ENC1: variants seen among roughly 807,000 people sequenced by gnomAD.
The protein encoded by ENC1 is ectoderm-neural cortex protein 1.
Under a neutral mutation model 40.9 loss-of-function variants are expected in ENC1, and 19 were observed. The observed-to-expected ratio is 0.46, with a 90% CI of 0.32 to 0.68. The LOEUF is 0.68. Among genes scored for constraint, ENC1 ranks in the 30% least tolerant of loss-of-function variants. The pLI is 0.03. For missense variants in ENC1, 479 were observed against 737.5 expected, an observed-to-expected ratio of 0.65 and a Z score of 4.06; for synonymous variants, 285 against 291.1, an observed-to-expected ratio of 0.98 and a Z score of 0.21.
Position 74,628,592 on chromosome 5 carries a change from A to G in ENC1, c.*1433T>C, listed in dbSNP as rs1355696536. The stretch of plus-strand genomic sequence containing the variant: ...TACAATTCTTTGGTGTTTTGTGGCC[A>G]AATGTGTTACTTGTGCACCAAAGAG... On this transcript the variant is annotated 3_prime_UTR_variant, in exon 3 of 3. Transcript: ENST00000302351. 1 of 152,500 alleles carries G rather than the reference A, an allele frequency of 6.6e-6. No homozygotes were observed. Among genetic ancestry groups the G allele is most frequent in the Non-Finnish European group, 1.5e-5 (1 of 68,048 alleles). The allele number at this position is 152,500 out of a possible 1,614,324, so 9.4% of individuals were successfully genotyped here.
At chr5:74,630,324 A>G (rs1021141221) in intron 2 of ENC1, among the ~76,000 whole-genome samples, 6 of 152,186 alleles carry the variant, frequency 3.9e-5, no homozygotes, top group Admixed American at 6.5e-5. Context: ...TCTAGATGCT[A>G]TTAGGAGTTG....
Position 74,635,262 on chromosome 5 carries a change from T to A in ENC1, c.1224A>T (p.Ser408=), listed in dbSNP as rs1024228789. 2.5e-6 allele frequency: 4 copies of A among 1,614,032 alleles called. No homozygotes were observed. The African/African-American group carries it at 5.3e-5, about 22-fold the overall frequency. The stretch of plus-strand genomic sequence containing the variant: ...AATGTTCTACCTGCTTTAGAGAGAC[T>A]GAGGGGGAGGCCGGGAGGCAGCCAG... ...AATGCLPASP[S]VSLKQVEHYD... The change falls in exon 2 of 3, where the codon TCA becomes TCT. Residue 408 remains serine, a synonymous_variant. Transcript: ENST00000302351. This position sits in a 1 kb window ranked among gnomAD's most constrained non-coding sequence, Gnocchi z 5.5.
Position 74,636,441 on chromosome 5 carries a change from G to T in ENC1, c.45C>A (p.Ser15Arg), listed in dbSNP as rs142609535. The T allele has an allele frequency of 1.9e-6, 3 of 1,613,392 alleles. No individual in the cohort carries two copies. The highest frequency in any genetic ancestry group is 2.5e-6 in the Non-Finnish European group (3 of 1,179,386). Residue 15 changes from serine (S) to arginine (R), a missense_variant, in exon 2 of 3, where the codon AGC becomes AGA. Ser to Arg is a moderately radical substitution (Grantham distance 110). Coordinates refer to ENST00000302351, the MANE Select transcript of ENC1 (RefSeq NM_003633.4). This position sits in a 1 kb window ranked among gnomAD's most constrained non-coding sequence, Gnocchi z 4.8. Reference sequence around the variant, plus strand: ...GAAACAGATAGATGTTAATGGAGCCGCTGCTGGCCCTGGACTTGCGGTTCT... The same window carrying T: ...GAAACAGATAGATGTTAATGGAGCCTCTGCTGGCCCTGGACTTGCGGTTCT... ...VHENRKSRAS[S>R]GSINIYLFHK...
In ENC1 at chr5:74,629,116, G is replaced by A. The variant is rs1747302368; in HGVS notation, c.*909C>T. 6.6e-6 allele frequency: 1 copy of A among 152,110 alleles called. No homozygotes were observed. The highest frequency in any genetic ancestry group is 1.5e-5 in the Non-Finnish European group (1 of 68,028). The allele number at this position is 152,110 out of a possible 1,614,324, so 9.4% of individuals were successfully genotyped here. A position where few individuals can be genotyped will look rare whatever the true frequency, so the allele number is the denominator to read the frequency against. ...GATCTCCACGGTTTCTCTACCTCTA[G>A]GATGTCATTTAAATTTCCATTTTGT... On this transcript the variant is annotated 3_prime_UTR_variant, in exon 3 of 3. Coordinates refer to ENST00000302351, the MANE Select transcript of ENC1 (RefSeq NM_003633.4).
intron 1 of ENC1, among the ~76,000 whole-genome samples, chr5:74,639,221 T>A (rs761862674): frequency 6.6e-6 from 1 of 152,238 alleles, no homozygotes; most frequent in Non-Finnish European, 1.5e-5. Context: ...GGTTTAAAAC[T>A]GTGCAAACCT....
rs980606778 is a variant in ENC1 at position 74,640,695 on chromosome 5, C to T, written c.-402G>A. 1 of 152,614 alleles carries T rather than the reference C, an allele frequency of 6.6e-6. No homozygotes were observed. The highest frequency in any genetic ancestry group is 1.5e-5 in the Non-Finnish European group (1 of 68,394). 9.5% of individuals were successfully genotyped at this position (152,614 alleles called of 1,614,324 possible). ...CCGGGTCTCCGCAGCGCCACCGCCG[C>T]ACCGCCTCCTCTCCGGCTGCCAGAG... On this transcript the variant is annotated 5_prime_UTR_variant, in exon 1 of 3. Transcript: ENST00000302351.
At position 74,635,015 on chromosome 5, in the gene ENC1, C is replaced by T; in HGVS notation, c.1471G>A (p.Gly491Arg). Residue 491 changes from glycine to arginine, a missense_variant, in exon 2 of 3, where the codon GGG becomes AGG. Gly to Arg is a moderately radical substitution (Grantham distance 125, BLOSUM62 -2). Coordinates refer to ENST00000302351, the MANE Select transcript of ENC1 (RefSeq NM_003633.4). The surrounding 1 kb of genome is among the most constrained non-coding windows in gnomAD (Gnocchi z 5.5). ...CCCCCCATAATAAAAATCTGGTTCC[C>T]CAGCACAGCTGCTGCTGTGTAACGC... is the stretch of plus-strand genomic sequence containing the variant. ...PWRYTAAAVL[G>R]NQIFIMGGDT... 6.2e-7 allele frequency: 1 copy of T among 1,614,202 alleles called. No individual in the cohort carries two copies. Among genetic ancestry groups the T allele is most frequent in the Non-Finnish European group, 8.5e-7 (1 of 1,180,032 alleles).
chr5:74,639,439 G>A (rs1747744017), intron 1 of ENC1, among the ~76,000 whole-genome samples: 1 of 152,212 alleles, frequency 6.6e-6, no homozygotes, highest in African/African-American at 2.4e-5. Flanking sequence ...AAGGGCTTCA[G>A]TTACAGTAAC....
intron 2 of ENC1, among the ~76,000 whole-genome samples, chr5:74,630,711 G>A (rs1408029124): frequency 2.0e-5 from 3 of 152,156 alleles, no homozygotes; most frequent in Non-Finnish European, 4.4e-5. Context: ...TCAAAGTGCC[G>A]TAACCACAAA....
rs1747618407 is a variant in ENC1 at position 74,636,838 on chromosome 5, G to C, written c.-13-340C>G. On this transcript the variant is annotated intron_variant, in intron 1 of 2. Transcript: ENST00000302351. This position sits in a 1 kb window ranked among gnomAD's most constrained non-coding sequence, Gnocchi z 4.8. ...AATATAAGTCAGCAAAAGCCAAGAGGAGTGAGTCTCATTCCCACAGCTCCC... is the reference window on the plus strand; with the variant it reads ...AATATAAGTCAGCAAAAGCCAAGAGCAGTGAGTCTCATTCCCACAGCTCCC... 6.6e-6 allele frequency among the ~76,000 whole-genome samples: 1 copy of C among 152,168 alleles called. No homozygotes were observed. The highest frequency in any genetic ancestry group is 1.9e-4 in the East Asian group (1 of 5,192).
chr5:74,629,990 G>C lies in ENC1; in HGVS notation c.*35C>G, dbSNP rs886950656. 2.6e-4 allele frequency: 39 copies of C among 151,962 alleles called. No individual in the cohort carries two copies. Among genetic ancestry groups the C allele is most frequent in the African/African-American group, 8.9e-4 (37 of 41,344 alleles). 9.4% of individuals were successfully genotyped at this position (151,962 alleles called of 1,614,324 possible). A position where few individuals can be genotyped will look rare whatever the true frequency, so the allele number is the denominator to read the frequency against. On this transcript the variant is annotated splice_region_variant and 3_prime_UTR_variant, in exon 3 of 3. Coordinates refer to ENST00000302351, the MANE Select transcript of ENC1 (RefSeq NM_003633.4). ...ATATTATCTCATCGAGTGATGGAGT[G>C]AGCTGAAATAGAAGGAAAAGGAAAA...
At position 74,628,264 on chromosome 5, in the gene ENC1, G is replaced by C. The variant is rs1378804085; in HGVS notation, c.*1761C>G. On this transcript the variant is annotated 3_prime_UTR_variant, in exon 3 of 3. Transcript: ENST00000302351. ...AAACACAATTAGTCTAAAGTACTAA[G>C]GTGGAGAGAAATGTTAAGGATTTAT... 6.6e-6 allele frequency: 1 copy of C among 152,650 alleles called. No homozygotes were observed. Among genetic ancestry groups the C allele is most frequent in the East Asian group, 1.9e-4 (1 of 5,192 alleles). The allele number at this position is 152,650 out of a possible 1,614,324, so 9.5% of individuals were successfully genotyped here.
Position 74,635,947 on chromosome 5 carries a change from C to G in ENC1, c.539G>C (p.Arg180Thr), listed in dbSNP as rs1284643718. The change falls in exon 2 of 3, where the codon AGG (arginine) becomes ACG (threonine). Residue 180 changes from arginine (R) to threonine (T), a missense_variant. Physicochemically the swap from Arg to Thr is moderately conservative, Grantham distance 71. Coordinates refer to ENST00000302351, the MANE Select transcript of ENC1 (RefSeq NM_003633.4). The surrounding 1 kb of genome is among the most constrained non-coding windows in gnomAD (Gnocchi z 5.5). The part of the protein sequence containing the change: ...RMCLSNFQTI[R>T]KNEDFLQLPQ... ...CAGCTGGAGGAAATCTTCATTCTTC[C>G]TGATGGTTTGGAAGTTGCTGAGACA... 12 of 1,614,028 alleles carry G rather than the reference C, an allele frequency of 7.4e-6. No homozygotes were observed. The highest frequency in any genetic ancestry group is 1.0e-5 in the Non-Finnish European group (12 of 1,180,046).
Position 74,636,963 on chromosome 5 carries a change from T to A in ENC1, c.-13-465A>T, listed in dbSNP as rs949674840. On this transcript the variant is annotated intron_variant, in intron 1 of 2. Transcript: ENST00000302351. This position sits in a 1 kb window ranked among gnomAD's most constrained non-coding sequence, Gnocchi z 4.8. ...ACTGGCTTTCATGCCCCATGCAACA[T>A]AAAGCCATGCGTAAAACAAACACCT... 5.9e-5 allele frequency among the ~76,000 whole-genome samples: 9 copies of A among 152,282 alleles called. No individual in the cohort carries two copies. Among genetic ancestry groups the A allele is most frequent in the African/African-American group, 2.2e-4 (9 of 41,564 alleles).
chr5:74,635,909 C>T lies in ENC1; in HGVS notation c.577G>A (p.Val193Ile). Reference protein sequence around the residue: ...EDFLQLPQDMVVQLLSSEELE... With the variant: ...EDFLQLPQDMIVQLLSSEELE... ...TCTTCACTGGACAAGAGTTGCACTA[C>T]CATGTCCTGGGGCAGCTGGAGGAAA... Residue 193 changes from valine to isoleucine, a missense_variant, in exon 2 of 3, where the codon GTA becomes ATA. By Grantham distance (29) the Val-to-Ile change is conservative. Coordinates refer to ENST00000302351, the MANE Select transcript of ENC1 (RefSeq NM_003633.4). The surrounding 1 kb of genome is among the most constrained non-coding windows in gnomAD (Gnocchi z 5.5). 2.5e-6 allele frequency: 4 copies of T among 1,613,900 alleles called. No individual in the cohort carries two copies. The highest frequency in any genetic ancestry group is 2.5e-6 in the Non-Finnish European group (3 of 1,179,902).
In ENC1 at chr5:74,635,065, A is replaced by C; in HGVS notation, c.1421T>G (p.Val474Gly). ...CCAGGGCTGGGGACAGGTGGCCGGTACAGTCCACCTGTTTTCACACTGATC... is the reference window on the plus strand; with the variant it reads ...CCAGGGCTGGGGACAGGTGGCCGGTCCAGTCCACCTGTTTTCACACTGATC... ...CYDQCENRWTVPATCPQPWRY... is the reference protein window; with the variant it reads ...CYDQCENRWTGPATCPQPWRY... The change falls in exon 2 of 3, where the codon GTA becomes GGA. Residue 474 changes from valine (V) to glycine (G), a missense_variant. By Grantham distance (109) the Val-to-Gly change is moderately radical. Transcript: ENST00000302351. The surrounding 1 kb of genome is among the most constrained non-coding windows in gnomAD (Gnocchi z 5.5). 1.2e-6 allele frequency: 2 copies of C among 1,614,230 alleles called. No homozygotes were observed. Among genetic ancestry groups the C allele is most frequent in the Non-Finnish European group, 1.7e-6 (2 of 1,180,026 alleles).
In ENC1 at chr5:74,636,008, G is replaced by C; in HGVS notation, c.478C>G (p.Gln160Glu). 1 of 1,613,422 alleles carries C rather than the reference G, an allele frequency of 6.2e-7. No individual in the cohort carries two copies. Among genetic ancestry groups the C allele is most frequent in the Non-Finnish European group, 8.5e-7 (1 of 1,179,382 alleles). ...LGMLLLSDAH[Q>E]CTKLYELSWR... ...GATAGTTCGTACAGCTTGGTGCACT[G>C]GTGTGCATCAGACAGCAGCAGCATG... The change falls in exon 2 of 3, where the codon CAG becomes GAG. Residue 160 changes from glutamine to glutamate, a missense_variant. Physicochemically the swap from Gln to Glu is conservative, Grantham distance 29 (BLOSUM62 2). Coordinates refer to ENST00000302351, the MANE Select transcript of ENC1 (RefSeq NM_003633.4). This position sits in a 1 kb window ranked among gnomAD's most constrained non-coding sequence, Gnocchi z 4.8.
At chr5:74,639,017 C>T (rs889288486) in intron 1 of ENC1, among the ~76,000 whole-genome samples, 1 of 152,196 alleles carries the variant, frequency 6.6e-6, no homozygotes, top group African/African-American at 2.4e-5. Flanking sequence ...TACATCTCTC[C>T]GCATCCTGTG....
chr5:74,631,181 CACAACA>C (rs368996589), intron 2 of ENC1, among the ~76,000 whole-genome samples: 18 of 150,204 alleles, frequency 1.2e-4, no homozygotes, highest in South Asian at 8.4e-4. Context: ...AAAAAGGACA[CACAACA>C]ACAACAACAA....
Sources: gnomAD v4.1 joint callset for allele counts (sites outside exome capture counted in the v4.1 genomes callset) on GRCh38, gnomAD v4.1.1 for gene constraint, Gnocchi (gnomAD v3.1) non-coding constraint, MANE v1.5 for transcripts, NCBI Gene and HGNC (gene_info 2026-07-23, HGNC 2026-07-21) for gene names.